The following ANGPTL4 variants were observed in gnomAD, a reference collection of about 807,000 sequenced individuals.
ANGPTL4 encodes the protein angiopoietin-related protein 4.
Under a neutral mutation model 39.2 loss-of-function variants are expected in ANGPTL4, and 39 were observed. The observed-to-expected ratio is 1.00, with a 90% CI of 0.77 to 1.30. ANGPTL4 has a LOEUF of 1.30. ANGPTL4 is among the 50% of genes most tolerant of loss of function. ANGPTL4 has a pLI of 0.00. For missense variants in ANGPTL4, 545 were observed against 549.8 expected, an observed-to-expected ratio of 0.99 and a Z score of 0.09; for synonymous variants, 233 against 229.5, an observed-to-expected ratio of 1.02 and a Z score of -0.14.
Position 8,369,325 on chromosome 19 carries a change from G to A in ANGPTL4, c.654G>A (p.Met218Ile), listed in dbSNP as rs1393873317. Residue 218 changes from methionine (M) to isoleucine (I), a missense_variant, in exon 4 of 7, where the codon ATG becomes ATA. By Grantham distance (10) the Met-to-Ile change is conservative. Coordinates refer to ENST00000301455, the MANE Select transcript of ANGPTL4 (RefSeq NM_139314.3). ...GSPPFLVNCKMTSDGGWTVIQ... is the reference protein window; with the variant it reads ...GSPPFLVNCKITSDGGWTVIQ... ...CGCCATTTTTGGTGAACTGCAAGATGACCTCAGGTAGGGTGTGTTAGTCCA... is the reference window on the plus strand; with the variant it reads ...CGCCATTTTTGGTGAACTGCAAGATAACCTCAGGTAGGGTGTGTTAGTCCA... The A allele has an allele frequency of 1.2e-6, 2 of 1,611,290 alleles. No individual in the cohort carries two copies. The highest frequency in any genetic ancestry group is 1.1e-5 in the South Asian group (1 of 90,004).
chr19:8,370,626 G>T (rs115053761), intron 4 of ANGPTL4, among the ~76,000 whole-genome samples: 1,739 of 149,040 alleles, frequency 0.012, 34 homozygotes, highest in African/African-American at 0.042. Flanking sequence ...CTTGAGCCCC[G>T]AAGGCAGAGG....
chr19:8,364,483 G>A lies in ANGPTL4; in HGVS notation c.162G>A (p.Gly54=), dbSNP rs1231088990. 1.9e-6 allele frequency: 3 copies of A among 1,565,018 alleles called. No individual in the cohort carries two copies. The highest frequency in any genetic ancestry group is 1.9e-5 in the Admixed American group (1 of 52,582). ...ACGGACTCCTGCAGCTCGGCCAGGG[G>A]CTGCGCGAACACGCGGAGCGCACCC... The part of the protein sequence containing the change: ...LAHGLLQLGQ[G]LREHAERTRS... Residue 54 remains glycine (G), a synonymous_variant, in exon 1 of 7, where the codon GGG becomes GGA. Coordinates refer to ENST00000301455, the MANE Select transcript of ANGPTL4 (RefSeq NM_139314.3).
At chr19:8,367,827 A>C (rs1368491059) in intron 3 of ANGPTL4, among the ~76,000 whole-genome samples, 1 of 151,960 alleles carries the variant, frequency 6.6e-6, no homozygotes, top group Non-Finnish European at 1.5e-5. Flanking sequence ...TTCATTTGTC[A>C]AGACTGTTTT....
rs1971116272 is a variant in ANGPTL4 at position 8,371,390 on chromosome 19, C to T, written c.907C>T (p.Gln303Ter). ...TGGCGAGGACACGGCCTATAGCCTGCAGCTCACTGCACCCGTGGCCGGCCA... is the reference window on the plus strand; with the variant it reads ...TGGCGAGGACACGGCCTATAGCCTGTAGCTCACTGCACCCGTGGCCGGCCA... The part of the protein sequence containing the change: ...LGGEDTAYSL[Q>*]LTAPVAGQLG... Residue 303 changes from glutamine (Q) to a stop codon, truncating the protein, a stop_gained, in exon 6 of 7, where the codon CAG becomes TAG. Transcript: ENST00000301455. LOFTEE classifies it high-confidence loss of function. This position sits in a 1 kb window ranked among gnomAD's most constrained non-coding sequence, Gnocchi z 5.1. 1.2e-6 allele frequency: 2 copies of T among 1,613,434 alleles called. No homozygotes were observed. Among genetic ancestry groups the T allele is most frequent in the Non-Finnish European group, 8.5e-7 (1 of 1,180,012 alleles).
chr19:8,369,635 G>A (rs1971076277), intron 4 of ANGPTL4, among the ~76,000 whole-genome samples: 1 of 151,900 alleles, frequency 6.6e-6, no homozygotes, highest in Non-Finnish European at 1.5e-5. Context: ...TGTATTTTTA[G>A]TAGAGACTGG....
In ANGPTL4 at chr19:8,366,240, G is replaced by A. The variant is rs751194272; in HGVS notation, c.468G>A (p.Val156=). 1.9e-6 allele frequency: 3 copies of A among 1,614,142 alleles called. No individual in the cohort carries two copies. The South Asian group carries it at 3.3e-5, about 18-fold the overall frequency. The part of the protein sequence containing the change: ...LLDHKHLDHE[V]AKPARRKRLP... The stretch of plus-strand genomic sequence containing the variant: ...ACCACAAGCACCTAGACCATGAGGT[G>A]GCCAAGCCTGCCCGAAGAAAGAGGC... Residue 156 remains valine, a synonymous_variant, in exon 3 of 7, where the codon GTG becomes GTA. Coordinates refer to ENST00000301455, the MANE Select transcript of ANGPTL4 (RefSeq NM_139314.3).
Position 8,364,589 on chromosome 19 carries a change from C to A in ANGPTL4, c.268C>A (p.Pro90Thr), listed in dbSNP as rs868703783. The A allele has an allele frequency of 6.3e-7, 1 of 1,591,860 alleles. No individual in the cohort carries two copies. Among genetic ancestry groups the A allele is most frequent in the South Asian group, 1.1e-5 (1 of 87,612 alleles). ...GGGAACCGAGGGGTCCACCGACCTC[C>A]CGTTAGCCCCTGAGAGCCGGGTGGA... ...CQGTEGSTDLPLAPESRVDPE... is the reference protein window; with the variant it reads ...CQGTEGSTDLTLAPESRVDPE... Residue 90 changes from proline to threonine, a missense_variant, in exon 1 of 7, where the codon CCG (proline) becomes ACG (threonine). Physicochemically the swap from Pro to Thr is conservative, Grantham distance 38. Coordinates refer to ENST00000301455, the MANE Select transcript of ANGPTL4 (RefSeq NM_139314.3).
intron 1 of ANGPTL4, 87 bp downstream of exon 1, chr19:8,364,726 GGT>G: frequency 6.7e-7 from 1 of 1,490,246 alleles, no homozygotes; most frequent in Non-Finnish European, 9.1e-7. Flanking sequence ...GTGGGGGCGG[GGT>G]GCGCAACTGT....
At chr19:8,370,996 G>A in intron 4 of ANGPTL4, 60 bp from the exon 5 acceptor site, 3 of 1,539,144 alleles carry the variant, frequency 1.9e-6, no homozygotes, top group Non-Finnish European at 2.6e-6. Context: ...GCAGCCAGAT[G>A]AGGGAGTGGG....
intron 3 of ANGPTL4, among the ~76,000 whole-genome samples, chr19:8,367,526 G>A (rs558477027): frequency 1.3e-5 from 2 of 150,748 alleles, no homozygotes; most frequent in Non-Finnish European, 3.0e-5. Context: ...CTGAGGGGCC[G>A]GAAAGCGTCT....
At chr19:8,365,810 C>T (rs778967804) in intron 1 of ANGPTL4, 144 bp from the exon 2 acceptor site, 5 of 714,830 alleles carry the variant, frequency 7.0e-6, no homozygotes, top group Non-Finnish European at 1.3e-5. Flanking sequence ...AGAACGAGAC[C>T]CCGTCATTGG....
At chr19:8,366,450 T>C in intron 3 of ANGPTL4, 131 bp downstream of exon 3, 1 of 1,042,296 alleles carries the variant, frequency 9.6e-7, no homozygotes, top group Non-Finnish European at 1.4e-6. Context: ...GGCTCACCAG[T>C]CTCTGGGTCA....
At position 8,371,234 on chromosome 19, in the gene ANGPTL4, A is replaced by C. The variant is rs1691239827; in HGVS notation, c.758-7A>C. The C allele has an allele frequency of 1.9e-6, 3 of 1,613,686 alleles. No homozygotes were observed. Among genetic ancestry groups the C allele is most frequent in the African/African-American group, 1.3e-5 (1 of 74,800 alleles). ...CCTGCCTCATGGAGTGGCCTCTCCC[A>C]CTCCAGGCGAGTTCTGGCTGGGTCT... On this transcript the variant is annotated splice_region_variant and splice_polypyrimidine_tract_variant and intron_variant, in intron 5 of 6. Transcript: ENST00000301455. This position sits in a 1 kb window ranked among gnomAD's most constrained non-coding sequence, Gnocchi z 5.1.
chr19:8,364,254 G>T lies in ANGPTL4; in HGVS notation c.-68G>T. On this transcript the variant is annotated 5_prime_UTR_variant, in exon 1 of 7. Coordinates refer to ENST00000301455, the MANE Select transcript of ANGPTL4 (RefSeq NM_139314.3). ...TTACCCCCGGTCCTCCGCGTCTCCA[G>T]TCCTCGCACCTGGAACCCCAACGTC... 4 of 1,480,358 alleles carry T rather than the reference G, an allele frequency of 2.7e-6. No individual in the cohort carries two copies. The South Asian group carries it at 5.0e-5, about 19-fold the overall frequency. The allele number at this position is 1,480,358 out of a possible 1,614,324, so 91.7% of individuals were successfully genotyped here.
chr19:8,371,168 G>T lies in ANGPTL4; in HGVS notation c.757+17G>T, dbSNP rs770680793. 1 of 1,613,880 alleles carries T rather than the reference G, an allele frequency of 6.2e-7. No individual in the cohort carries two copies. ...ATCCCCACGGTAGGTGTTTCTAGTG[G>T]GGACAGAGGCAGGGGAGGAAGAGGG... On this transcript the variant is annotated intron_variant, in intron 5 of 6. Coordinates refer to ENST00000301455, the MANE Select transcript of ANGPTL4 (RefSeq NM_139314.3). The surrounding 1 kb of genome is among the most constrained non-coding windows in gnomAD (Gnocchi z 5.1).
chr19:8,373,636 C>A (rs1306633771), intron 6 of ANGPTL4, 69 bp from the exon 7 acceptor site: 1 of 1,610,128 alleles, frequency 6.2e-7, no homozygotes, highest in African/African-American at 1.3e-5. Flanking sequence ...CAACCCTATC[C>A]CTATCTCCTT....
In ANGPTL4 at chr19:8,373,894, G is replaced by A. The variant is rs61512436; in HGVS notation, c.*8G>A. 6.7e-3 allele frequency: 10,856 copies of A among 1,612,598 alleles called. 618 individuals carry two copies. In the African/African-American group the frequency reaches 0.13, roughly 19 times the overall value. ...GCAGAGGCAGCCTCCTAGCGTCCTG[G>A]CTGGGCCTGGTCCCAGGCCCACGAA... On this transcript the variant is annotated 3_prime_UTR_variant, in exon 7 of 7. Transcript: ENST00000301455.
rs759967878 is a variant in ANGPTL4, at chr19:8,364,633, C to A, written c.312C>A (p.Ser104Arg). ...GGGTGGACCCTGAGGTCCTTCACAG[C>A]CTGCAGGTACGTGTCCCCAGGGCTG... ...ESRVDPEVLH[S>R]LQTQLKAQNS... Residue 104 changes from serine to arginine, a missense_variant, in exon 1 of 7, where the codon AGC becomes AGA. Physicochemically the swap from Ser to Arg is moderately radical, Grantham distance 110. Transcript: ENST00000301455. 6.3e-7 allele frequency: 1 copy of A among 1,588,872 alleles called. No individual in the cohort carries two copies. Among genetic ancestry groups the A allele is most frequent in the South Asian group, 1.1e-5 (1 of 87,300 alleles).
At position 8,371,100 on chromosome 19, in the gene ANGPTL4, G is replaced by C. The variant is rs780812775; in HGVS notation, c.706G>C (p.Asp236His). 16 of 1,610,466 alleles carry C rather than the reference G, an allele frequency of 9.9e-6. No homozygotes were observed. The South Asian group carries it at 1.5e-4, about 16-fold the overall frequency. ...VIQRRHDGSVDFNRPWEAYKA... is the reference protein window; with the variant it reads ...VIQRRHDGSVHFNRPWEAYKA... ...TCAGAGGCGCCACGATGGCTCAGTG[G>C]ACTTCAACCGGCCCTGGGAAGCCTA... Residue 236 changes from aspartate to histidine, a missense_variant, in exon 5 of 7, where the codon GAC becomes CAC. Transcript: ENST00000301455. This position sits in a 1 kb window ranked among gnomAD's most constrained non-coding sequence, Gnocchi z 5.1.
Sources: allele counts gnomAD v4.1 joint callset (sites outside exome capture counted in the v4.1 genomes callset), GRCh38; gene constraint gnomAD v4.1.1; non-coding constraint Gnocchi (gnomAD v3.1); transcripts MANE v1.5; gene names NCBI Gene and HGNC (gene_info 2026-07-23, HGNC 2026-07-21).